Variants in CFAP57 observed in about 807,000 individuals in gnomAD.
CFAP57 encodes the protein cilia- and flagella-associated protein 57.
CFAP57 carries 116 observed loss-of-function variants against 146.8 expected under a neutral mutation model. The ratio of observed to expected loss-of-function variants is 0.79; its 90% CI spans 0.68 to 0.92. The LOEUF (loss-of-function observed/expected upper bound fraction) is 0.92, where lower values mean the gene tolerates loss of function less well. Ranked by LOEUF, CFAP57 falls within the 40% of genes least tolerant of loss-of-function variation. The pLI is 0.00. For synonymous variants in CFAP57, 518 were observed against 552.8 expected (o/e 0.94, Z 0.88); for missense variants, 1,377 against 1,527.2 (o/e 0.90, Z 1.64).
chr1:43,232,464 A>G, intron 18 of CFAP57, 44 bp from the exon 19 acceptor site: 1 of 1,497,536 alleles, frequency 6.7e-7, no homozygotes. Flanking sequence ...AGTTTTCATT[A>G]TCTAACTTTC....
intron 11 of CFAP57, 130 bp from the exon 12 acceptor site, chr1:43,215,124 TG>T: frequency 9.9e-7 from 1 of 1,008,798 alleles, no homozygotes; most frequent in Non-Finnish European, 1.5e-6. Context: ...CATTCTTACC[TG>T]GGATCAAGTT....
At chr1:43,217,323 T>C (rs902191145) in intron 12 of CFAP57, among the ~76,000 whole-genome samples, 6 of 152,082 alleles carry the variant, frequency 3.9e-5, no homozygotes, top group Admixed American at 1.3e-4. Context: ...TCTGCAGCAA[T>C]GTGAAGAATA....
intron 1 of CFAP57, 46 bp from the exon 2 acceptor site, chr1:43,172,689 C>T: frequency 3.1e-6 from 5 of 1,600,128 alleles, no homozygotes; most frequent in South Asian, 2.2e-5. Context: ...GGGGTCGGAG[C>T]GGGGCGGTGC....
intron 12 of CFAP57, among the ~76,000 whole-genome samples, chr1:43,216,272 A>AC (rs1644829436): frequency 3.3e-5 from 5 of 152,198 alleles, no homozygotes; most frequent in Admixed American, 3.3e-4. Context: ...AGAAACAAGT[A>AC]AAGCCATCAG....
chr1:43,233,459 A>G (rs1211715017), intron 19 of CFAP57, among the ~76,000 whole-genome samples: 1 of 151,774 alleles, frequency 6.6e-6, no homozygotes. Flanking sequence ...ACCGCACTCC[A>G]GCCTGGGTGA....
chr1:43,229,222 G>A (rs1208066152), intron 18 of CFAP57, among the ~76,000 whole-genome samples: 6 of 149,026 alleles, frequency 4.0e-5, no homozygotes, highest in South Asian at 2.2e-4. Flanking sequence ...GGTCGGGTCC[G>A]TTGTTTGCTA....
intron 21 of CFAP57, among the ~76,000 whole-genome samples, chr1:43,236,474 C>T (rs769139486): frequency 5.3e-5 from 8 of 150,956 alleles, no homozygotes; most frequent in Non-Finnish European, 1.0e-4. Flanking sequence ...AAGGAGCCAC[C>T]TTGCCTATAT....
intron 11 of CFAP57, among the ~76,000 whole-genome samples, chr1:43,213,091 T>TTTTTTC (rs1644690441): frequency 6.6e-6 from 1 of 152,112 alleles, no homozygotes; most frequent in Non-Finnish European, 1.5e-5. Flanking sequence ...AGGTCAACTT[T>TTTTTTC]TTTTTCTTTT....
intron 12 of CFAP57, 122 bp downstream of exon 12, chr1:43,215,538 G>A (rs1436272627): frequency 3.4e-5 from 40 of 1,176,972 alleles, no homozygotes; most frequent in East Asian, 5.2e-5. Flanking sequence ...AGACCCCCAC[G>A]GCTCCCTGCA....
rs764425786 is a variant in CFAP57, at chr1:43,219,540, C to T, written c.2247+3C>T. ...AGTCCTTGAAAACAAAAAACCAGGT[C>T]TGTTTAAGAGACTGACCAACAAGCA... On this transcript the variant is annotated splice_donor_region_variant and intron_variant, in intron 13 of 22. Coordinates refer to ENST00000372492, the MANE Select transcript of CFAP57 (RefSeq NM_001378189.1). The T allele has an allele frequency of 2.4e-5, 37 of 1,550,388 alleles. No individual in the cohort carries two copies. The highest frequency in any genetic ancestry group is 2.2e-4 in the East Asian group (9 of 40,924).
rs1346550894 is a variant in CFAP57, at chr1:43,172,453, G to A, written c.-20G>A. 11 of 1,546,208 alleles carry A rather than the reference G, an allele frequency of 7.1e-6. No individual in the cohort carries two copies. The East Asian group carries it at 2.0e-4, about 28-fold the overall frequency. On this transcript the variant is annotated splice_region_variant and 5_prime_UTR_variant, in exon 1 of 23. Coordinates refer to ENST00000372492, the MANE Select transcript of CFAP57 (RefSeq NM_001378189.1). The stretch of plus-strand genomic sequence containing the variant: ...TCTGCTGACCCAGAGAGAAACGAAA[G>A]GTGGGAGGGGGTACCTGGGGGTCGC...
rs925289006 is a variant in CFAP57 at position 43,238,655 on chromosome 1, G to A, written c.3405+4017G>A. Among the ~76,000 whole-genome samples the A allele has an allele frequency of 1.3e-4, 20 of 152,120 alleles. No individual in the cohort carries two copies. Among genetic ancestry groups the A allele is most frequent in the Non-Finnish European group, 2.5e-4 (17 of 68,036 alleles). On this transcript the variant is annotated intron_variant, in intron 21 of 22. Coordinates refer to ENST00000372492, the MANE Select transcript of CFAP57 (RefSeq NM_001378189.1). This position sits in a 1 kb window ranked among gnomAD's most constrained non-coding sequence, Gnocchi z 4.3. The stretch of plus-strand genomic sequence containing the variant: ...CCTCAATGTGACCTCGGGACCCCTC[G>A]GAACACAGGCCACCCCAGAAAACAT...
intron 18 of CFAP57, among the ~76,000 whole-genome samples, chr1:43,231,580 G>A (rs535161512): frequency 2.0e-4 from 30 of 151,912 alleles, no homozygotes; most frequent in Admixed American, 3.3e-4. Flanking sequence ...CAGCCCGGGC[G>A]CAGTGGCTCA....
At position 43,221,360 on chromosome 1, in the gene CFAP57, ACT is replaced by A; in HGVS notation, c.2248-9_2248-8del. ...AGATGTGTGTAAATGAGGAAATGTG[ACT>A]CTGTTTTAGGTCTTAAGAACAGAAA... On this transcript the variant is annotated splice_polypyrimidine_tract_variant and intron_variant, in intron 13 of 22. Coordinates refer to ENST00000372492, the MANE Select transcript of CFAP57 (RefSeq NM_001378189.1). 1 of 1,527,914 alleles carries A rather than the reference ACT, an allele frequency of 6.5e-7. No individual in the cohort carries two copies. Among genetic ancestry groups the A allele is most frequent in the Non-Finnish European group, 8.8e-7 (1 of 1,134,374 alleles). The allele number at this position is 1,527,914 out of a possible 1,614,324, so 94.6% of individuals were successfully genotyped here.
chr1:43,234,241 C>A, intron 19 of CFAP57, 38 bp from the exon 20 acceptor site: 1 of 1,496,536 alleles, frequency 6.7e-7, no homozygotes, highest in Non-Finnish European at 8.9e-7. Context: ...CCACCGAGAG[C>A]ACCCTACAGC....
In CFAP57 at chr1:43,181,638, G is replaced by T; in HGVS notation, c.262G>T (p.Glu88Ter). The part of the protein sequence containing the change: ...VQEKPAITIY[E>*]LSSIPCRKRK... The stretch of plus-strand genomic sequence containing the variant: ...AGAAAAACCTGCCATCACCATTTAT[G>T]AATTGTCATCCATCCCTTGCCGGAA... The change falls in exon 3 of 23, where the codon GAA becomes TAA. Residue 88 changes from glutamate to a stop codon, truncating the protein, a stop_gained. Coordinates refer to ENST00000372492, the MANE Select transcript of CFAP57 (RefSeq NM_001378189.1). LOFTEE classifies it high-confidence loss of function. The T allele has an allele frequency of 6.2e-7, 1 of 1,614,214 alleles. No individual in the cohort carries two copies. Among genetic ancestry groups the T allele is most frequent in the Non-Finnish European group, 8.5e-7 (1 of 1,180,048 alleles).
In CFAP57 at chr1:43,215,427, G is replaced by A; in HGVS notation, c.2091+11G>A. ...GACATGGAAGAAAAGGTAAGAACTG[G>A]ATCTAATGAAGAGGGATATGGAATT... On this transcript the variant is annotated intron_variant, in intron 12 of 22. Transcript: ENST00000372492. The A allele has an allele frequency of 6.5e-7, 1 of 1,549,410 alleles. No homozygotes were observed.
intron 2 of CFAP57, among the ~76,000 whole-genome samples, chr1:43,176,251 A>T (rs559172002): frequency 1.3e-5 from 2 of 152,308 alleles, no homozygotes; most frequent in African/African-American, 4.8e-5. Context: ...GGTACCTGCA[A>T]CGTGATCTAG....
chr1:43,195,507 G>A (rs566271828), intron 6 of CFAP57, among the ~76,000 whole-genome samples: 9 of 151,028 alleles, frequency 6.0e-5, no homozygotes, highest in Middle Eastern at 3.4e-3. Flanking sequence ...GCATCAGAGC[G>A]AGACTCCATC....
Sources: gnomAD v4.1 joint callset for allele counts (sites outside exome capture counted in the v4.1 genomes callset) on GRCh38, gnomAD v4.1.1 for gene constraint, Gnocchi (gnomAD v3.1) non-coding constraint, MANE v1.5 for transcripts, NCBI Gene and HGNC (gene_info 2026-07-23, HGNC 2026-07-21) for gene names.